The following ADGRF5 variants were observed in gnomAD, a reference collection of about 807,000 sequenced individuals.
ADGRF5 encodes the protein G-protein coupled receptor 116.
ADGRF5 carries 75 observed loss-of-function variants against 132.3 expected under a neutral mutation model. The observed-to-expected ratio is 0.57, with a 90% CI of 0.47 to 0.69. The LOEUF (loss-of-function observed/expected upper bound fraction) is 0.69, where lower values mean the gene tolerates loss of function less well. Ranked by LOEUF, ADGRF5 falls within the 30% of genes least tolerant of loss-of-function variation. ADGRF5 has a pLI of 0.00. For synonymous variants in ADGRF5, 629 were observed against 597.6 expected, an observed-to-expected ratio of 1.05 and a Z score of -0.77; for missense variants, 1,516 against 1,630.6, an observed-to-expected ratio of 0.93 and a Z score of 1.21.
chr6:46,904,774 G>A (rs1192023696), intron 2 of ADGRF5, among the ~76,000 whole-genome samples: 1 of 152,224 alleles, frequency 6.6e-6, no homozygotes, highest in African/African-American at 2.4e-5. Flanking sequence ...TAAGATGGCA[G>A]AAGGTCAGTC....
intron 19 of ADGRF5, among the ~76,000 whole-genome samples, chr6:46,856,419 C>T (rs547800002): frequency 3.6e-4 from 55 of 152,208 alleles, no homozygotes; most frequent in African/African-American, 1.3e-3. Context: ...TCTCATTGAA[C>T]GTTTGATTTC....
chr6:46,938,349 G>A (rs951219347), intron 1 of ADGRF5, among the ~76,000 whole-genome samples: 2 of 152,102 alleles, frequency 1.3e-5, no homozygotes, highest in Non-Finnish European at 2.9e-5. Flanking sequence ...TCTAACCCTT[G>A]ATAAACACCT....
intron 1 of ADGRF5, among the ~76,000 whole-genome samples, chr6:46,947,352 T>C (rs753586344): frequency 1.3e-5 from 2 of 152,340 alleles, no homozygotes; most frequent in Middle Eastern, 3.4e-3. Flanking sequence ...TGGCTGCATG[T>C]CATAACACTG....
intron 10 of ADGRF5, among the ~76,000 whole-genome samples, chr6:46,877,281 TTCTTTCTTTCTCTCTC>T (rs1771842294): frequency 1.8e-5 from 1 of 55,610 alleles, no homozygotes; most frequent in African/African-American, 8.7e-5. Context: ...CTTTCTTTCT[TTCTTTCTTTCTCTCTC>T]TCTCTCTCTT....
At chr6:46,885,990 G>A (rs961094285) in intron 4 of ADGRF5, among the ~76,000 whole-genome samples, 2 of 152,212 alleles carry the variant, frequency 1.3e-5, no homozygotes, top group African/African-American at 2.4e-5. Context: ...CAAATGTAGA[G>A]TGCAAGTAAA....
At position 46,856,724 on chromosome 6, in the gene ADGRF5, G is replaced by A. The variant is rs761560647; in HGVS notation, c.3870C>T (p.His1290=). Residue 1290 remains histidine, a synonymous_variant, in exon 19 of 21, where the codon CAC becomes CAT. Transcript: ENST00000283296. ...CTGCAGAGAAAAAGTTTACCTTTGA[G>A]TGCTGTGAAGACCATCTCGACAATG... is the stretch of plus-strand genomic sequence containing the variant. The part of the protein sequence containing the change: ...KFSLSRWSSQ[H]SKSTSLGSST... The A allele has an allele frequency of 1.4e-6, 2 of 1,421,306 alleles. No homozygotes were observed. The highest frequency in any genetic ancestry group is 2.3e-5 in the East Asian group (1 of 43,844). The allele number at this position is 1,421,306 out of a possible 1,614,324, so 88.0% of individuals were successfully genotyped here. A position where few individuals can be genotyped will look rare whatever the true frequency, so the allele number is the denominator to read the frequency against.
chr6:46,874,645 G>A (rs190273524), intron 10 of ADGRF5, among the ~76,000 whole-genome samples: 2 of 152,318 alleles, frequency 1.3e-5, no homozygotes, highest in East Asian at 3.9e-4. Flanking sequence ...TATGTGGGTT[G>A]TGTGTGAGTA....
chr6:46,881,466 G>T lies in ADGRF5; in HGVS notation c.803C>A (p.Ala268Glu). Residue 268 changes from alanine to glutamate, a missense_variant, in exon 8 of 21, where the codon GCA becomes GAA. Around this residue, in one of 2 missense-constraint regions of ADGRF5, gnomAD observed 945 missense variants for 929.4 expected, o/e 1.02. Coordinates refer to ENST00000283296, the MANE Select transcript of ADGRF5 (RefSeq NM_001098518.2). ...TYKMDYNSFQ[A>E]VTINESNFFV... Reference sequence around the variant, plus strand: ...ACAATTTCACTTACTGATAGTAACTGCTTGAAAGGAGTTGTAGTCCATTTT... The same window carrying T: ...ACAATTTCACTTACTGATAGTAACTTCTTGAAAGGAGTTGTAGTCCATTTT... 6.2e-7 allele frequency: 1 copy of T among 1,612,616 alleles called. No individual in the cohort carries two copies. Among genetic ancestry groups the T allele is most frequent in the Non-Finnish European group, 8.5e-7 (1 of 1,178,688 alleles).
chr6:46,914,727 C>T (rs1030037591), intron 1 of ADGRF5, among the ~76,000 whole-genome samples: 38 of 151,766 alleles, frequency 2.5e-4, no homozygotes, highest in African/African-American at 9.2e-4. Context: ...GTCCGTCTTG[C>T]ATTAATTCAC....
chr6:46,900,075 A>C lies in ADGRF5; in HGVS notation c.111T>G (p.His37Gln), dbSNP rs2150881030. The C allele has an allele frequency of 1.2e-6, 2 of 1,611,730 alleles. No individual in the cohort carries two copies. The highest frequency in any genetic ancestry group is 2.7e-5 in the African/African-American group (2 of 74,978). The change falls in exon 3 of 21, where the codon CAT becomes CAG. Residue 37 changes from histidine (H) to glutamine (Q), a missense_variant. Around this residue, in one of 2 missense-constraint regions of ADGRF5, gnomAD observed 945 missense variants for 929.4 expected, o/e 1.02. Transcript: ENST00000283296. ...CCTCTTCACCAGCTGGTTCATGTTC[A>C]TGAAGACTCTGAAAAGAACATTTGA... ...YESTIHPLSL[H>Q]EHEPAGEEAL...
In ADGRF5 at chr6:46,884,017, C is replaced by G. The variant is rs567541326; in HGVS notation, c.505+78G>C. The G allele has an allele frequency of 2.6e-6, 3 of 1,153,322 alleles. No homozygotes were observed. In the African/African-American group the frequency reaches 4.5e-5, roughly 17 times the overall value. The allele number at this position is 1,153,322 out of a possible 1,614,324, so 71.4% of individuals were successfully genotyped here. On this transcript the variant is annotated intron_variant, in intron 5 of 20. Coordinates refer to ENST00000283296, the MANE Select transcript of ADGRF5 (RefSeq NM_001098518.2). ...TCGGACTATCAAAGTGCTGGGATTA[C>G]AGGCATGAGCCACCATGCCCAGTCG...
At chr6:46,949,121 T>G (rs1318379934) in intron 1 of ADGRF5, among the ~76,000 whole-genome samples, 1 of 152,182 alleles carries the variant, frequency 6.6e-6, no homozygotes, top group Non-Finnish European at 1.5e-5. Context: ...GAAAGCTAAC[T>G]TAGGTAAGCC....
chr6:46,905,022 C>T (rs1162736310), intron 2 of ADGRF5, among the ~76,000 whole-genome samples: 2 of 152,112 alleles, frequency 1.3e-5, no homozygotes, highest in Non-Finnish European at 2.9e-5. Context: ...CCTTCACCAC[C>T]AGGCAGATGA....
rs1236400449 is a variant in ADGRF5, at chr6:46,855,964, C to T, written c.3961+10G>A. The T allele has an allele frequency of 7.3e-6, 11 of 1,509,168 alleles. No individual in the cohort carries two copies. The highest frequency in any genetic ancestry group is 9.2e-6 in the Non-Finnish European group (10 of 1,086,938). 93.5% of individuals were successfully genotyped at this position (1,509,168 alleles called of 1,614,324 possible). A position where few individuals can be genotyped will look rare whatever the true frequency, so the allele number is the denominator to read the frequency against. On this transcript the variant is annotated intron_variant, in intron 20 of 20. Transcript: ENST00000283296. ...GGACAAGCAGGGAGAAACTGGAGGC[C>T]ACTACTCACCTGTTTTACCAAACAA... is the stretch of plus-strand genomic sequence containing the variant.
intron 1 of ADGRF5, among the ~76,000 whole-genome samples, chr6:46,919,622 T>C (rs961281488): frequency 2.0e-5 from 3 of 152,174 alleles, no homozygotes; most frequent in Non-Finnish European, 4.4e-5. Context: ...AGTGAGGCAG[T>C]GTTAGTCTAC....
intron 1 of ADGRF5, among the ~76,000 whole-genome samples, chr6:46,954,467 T>C (rs1377152652): frequency 6.6e-6 from 1 of 151,908 alleles, no homozygotes; most frequent in Admixed American, 6.6e-5. Flanking sequence ...CTAATGAGAT[T>C]TGCACTCCAA....
chr6:46,948,475 A>AGTGTGTGTGTGTGTGT, intron 1 of ADGRF5, among the ~76,000 whole-genome samples: 1 of 143,286 alleles, frequency 7.0e-6, no homozygotes, highest in Non-Finnish European at 1.5e-5. Context: ...TGCTCTAGTG[A>AGTGTGTGTGTGTGTGT]GTGTGTGTGT....
At chr6:46,892,415 A>T (rs1773737421) in intron 3 of ADGRF5, among the ~76,000 whole-genome samples, 1 of 152,186 alleles carries the variant, frequency 6.6e-6, no homozygotes, top group Non-Finnish European at 1.5e-5. Context: ...AGAATTATGT[A>T]AGCCTTTGTT....
rs941270150 is a variant in ADGRF5 at position 46,861,712 on chromosome 6, T to C, written c.2200-818A>G. ...ATAATTCCTAACATAGTACAAGTCATATAACTCAGCACACAGTAAGTATCC... is the reference window on the plus strand; with the variant it reads ...ATAATTCCTAACATAGTACAAGTCACATAACTCAGCACACAGTAAGTATCC... On this transcript the variant is annotated intron_variant, in intron 15 of 20. Transcript: ENST00000283296. Among the ~76,000 whole-genome samples, 7 of 152,194 alleles carry C rather than the reference T, an allele frequency of 4.6e-5. No individual in the cohort carries two copies. In the South Asian group the frequency reaches 6.2e-4, roughly 13 times the overall value.
Sources: gnomAD v4.1 joint callset for allele counts (sites outside exome capture counted in the v4.1 genomes callset) on GRCh38, gnomAD v4.1.1 for gene constraint, gnomAD v4.1.1 regional missense constraint, MANE v1.5 for transcripts, NCBI Gene and HGNC (gene_info 2026-07-23, HGNC 2026-07-21) for gene names.